ATP13A1: variants seen among roughly 807,000 people sequenced by gnomAD.
The protein encoded by ATP13A1 is endoplasmic reticulum transmembrane helix translocase.
ATP13A1 carries 55 observed loss-of-function variants against 134.8 expected under a neutral mutation model. The ratio of observed to expected loss-of-function variants is 0.41; its 90% confidence interval spans 0.33 to 0.51. ATP13A1 has a LOEUF of 0.51. Among genes scored for constraint, ATP13A1 ranks in the 20% least tolerant of loss-of-function variants. The probability of loss-of-function intolerance (pLI) is 0.29; values close to 1 mark genes in which losing one functional copy is unlikely to be tolerated. For missense variants in ATP13A1, 1,389 were observed against 1,652.8 expected, an observed-to-expected ratio of 0.84 and a Z score of 2.77; for synonymous variants, 775 against 725.1, an observed-to-expected ratio of 1.07 and a Z score of -1.10.
At chr19:19,662,181 C>A in intron 1 of ATP13A1, 18 of 1,549,290 alleles carry the variant, frequency 1.2e-5, no homozygotes, top group Non-Finnish European at 1.6e-5. Flanking sequence ...GAAGTTTGAG[C>A]GGTGCCACAG....
At chr19:19,658,730 G>C (rs1261345661) in intron 3 of ATP13A1, among the ~76,000 whole-genome samples, 1 of 152,188 alleles carries the variant, frequency 6.6e-6, no homozygotes, top group Non-Finnish European at 1.5e-5. Context: ...ATTGTACTCA[G>C]TACAAAAGGG....
At position 19,653,796 on chromosome 19, in the gene ATP13A1, G is replaced by A; in HGVS notation, c.2088C>T (p.Leu696=). The change falls in exon 15 of 26, where the codon CTC becomes CTT. Residue 696 remains leucine, a synonymous_variant. Coordinates refer to ENST00000357324, the MANE Select transcript of ATP13A1 (RefSeq NM_020410.3). This position sits in a 1 kb window ranked among gnomAD's most constrained non-coding sequence, Gnocchi z 4.2. ...LALGYKELGH[L]THQQAREVKR... The stretch of plus-strand genomic sequence containing the variant: ...CCTGGGCCCGTACCTGCTGGTGAGT[G>A]AGGTGTCCCAGCTCCTTGTACCCCA... 6.4e-7 allele frequency: 1 copy of A among 1,552,176 alleles called. No individual in the cohort carries two copies. Among genetic ancestry groups the A allele is most frequent in the African/African-American group, 1.4e-5 (1 of 73,258 alleles).
chr19:19,652,754 C>T, intron 15 of ATP13A1, 34 bp from the exon 16 acceptor site: 1 of 1,580,092 alleles, frequency 6.3e-7, no homozygotes, highest in Non-Finnish European at 8.6e-7. Flanking sequence ...CACCATCTGT[C>T]CCTCCCTCTG....
rs1266951286 is a variant in ATP13A1 at position 19,645,347 on chromosome 19, G to A, written c.*75C>T. On this transcript the variant is annotated 3_prime_UTR_variant, in exon 26 of 26. Coordinates refer to ENST00000357324, the MANE Select transcript of ATP13A1 (RefSeq NM_020410.3). The surrounding 1 kb of genome is among the most constrained non-coding windows in gnomAD (Gnocchi z 4.1). Reference sequence around the variant, plus strand: ...CTTGCTGTGGGGGGTTGGGGGCAGGGTTCCCTCCCGGGGCCCTGTTGGGGT... The same window carrying A: ...CTTGCTGTGGGGGGTTGGGGGCAGGATTCCCTCCCGGGGCCCTGTTGGGGT... 6.8e-7 allele frequency: 1 copy of A among 1,477,136 alleles called. No individual in the cohort carries two copies. The highest frequency in any genetic ancestry group is 9.2e-7 in the Non-Finnish European group (1 of 1,084,566). The allele number at this position is 1,477,136 out of a possible 1,614,324, so 91.5% of individuals were successfully genotyped here. A position where few individuals can be genotyped will look rare whatever the true frequency, so the allele number is the denominator to read the frequency against.
At chr19:19,648,344 A>G (rs936281611) in intron 19 of ATP13A1, among the ~76,000 whole-genome samples, 1 of 151,934 alleles carries the variant, frequency 6.6e-6, no homozygotes, top group Non-Finnish European at 1.5e-5. Context: ...AACAACCTAA[A>G]CTGATTTCAA....
chr19:19,649,984 G>C (rs761293931), intron 17 of ATP13A1, 44 bp from the exon 18 acceptor site: 2 of 1,511,494 alleles, frequency 1.3e-6, no homozygotes, highest in East Asian at 2.4e-5. Flanking sequence ...TTGGCTGACC[G>C]GGCTCAGAAG....
chr19:19,663,046 C>CAGG, intron 1 of ATP13A1: 1 of 735,200 alleles, frequency 1.4e-6, no homozygotes, highest in Non-Finnish European at 2.5e-6. Flanking sequence ...ATGACCATAA[C>CAGG]AGGGAGGACT....
Position 19,647,493 on chromosome 19 carries a change from G to A in ATP13A1, c.2829C>T (p.Asp943=), listed in dbSNP as rs765939525. 1.9e-5 allele frequency: 30 copies of A among 1,613,146 alleles called. 1 individual carries two copies. The highest frequency in any genetic ancestry group is 8.8e-5 in the South Asian group (8 of 90,952). ...CCAGTTTCACAATGGGCGTACTCTCGTCCTCGAGGTCTCGCAGCACCTGGC... is the reference window on the plus strand; with the variant it reads ...CCAGTTTCACAATGGGCGTACTCTCATCCTCGAGGTCTCGCAGCACCTGGC... ...RLSQVLRDLE[D]ESTPIVKLGD... The change falls in exon 21 of 26, where the codon GAC becomes GAT. Residue 943 remains aspartate (D), a synonymous_variant. Transcript: ENST00000357324. This position sits in a 1 kb window ranked among gnomAD's most constrained non-coding sequence, Gnocchi z 4.8.
intron 1 of ATP13A1, among the ~76,000 whole-genome samples, chr19:19,660,297 T>C (rs962931960): frequency 6.0e-5 from 9 of 149,464 alleles, no homozygotes; most frequent in Non-Finnish European, 1.2e-4. Context: ...GCCTCGCCAA[T>C]GTGGCGAAAC....
In ATP13A1 at chr19:19,656,277, A is replaced by C; in HGVS notation, c.1084-94T>G. On this transcript the variant is annotated intron_variant, in intron 7 of 25. Coordinates refer to ENST00000357324, the MANE Select transcript of ATP13A1 (RefSeq NM_020410.3). This position sits in a 1 kb window ranked among gnomAD's most constrained non-coding sequence, Gnocchi z 4.6. ...ACAGCTGGACCTTGAGGCTGGAATGAGCCAGGGGGATCCCCACCCGACCAA... is the reference window on the plus strand; with the variant it reads ...ACAGCTGGACCTTGAGGCTGGAATGCGCCAGGGGGATCCCCACCCGACCAA... 6.7e-7 allele frequency: 1 copy of C among 1,500,466 alleles called. No individual in the cohort carries two copies. The highest frequency in any genetic ancestry group is 8.9e-7 in the Non-Finnish European group (1 of 1,121,662). 92.9% of individuals were successfully genotyped at this position (1,500,466 alleles called of 1,614,324 possible). A position where few individuals can be genotyped will look rare whatever the true frequency, so the allele number is the denominator to read the frequency against.
Position 19,653,583 on chromosome 19 carries a change from C to G in ATP13A1, c.2100+201G>C. ...GCAGGTAAGCCCTGCGTGTGCTCTG[C>G]GTGAGCCAGGACTGGGTGGGTCCCC... On this transcript the variant is annotated intron_variant, in intron 15 of 25. Coordinates refer to ENST00000357324, the MANE Select transcript of ATP13A1 (RefSeq NM_020410.3). The surrounding 1 kb of genome is among the most constrained non-coding windows in gnomAD (Gnocchi z 4.2). 1.7e-6 allele frequency: 1 copy of G among 603,940 alleles called. No individual in the cohort carries two copies. Among genetic ancestry groups the G allele is most frequent in the African/African-American group, 1.9e-5 (1 of 53,968 alleles). 37.4% of individuals were successfully genotyped at this position (603,940 alleles called of 1,614,324 possible). A position where few individuals can be genotyped will look rare whatever the true frequency, so the allele number is the denominator to read the frequency against.
chr19:19,660,995 C>A (rs1463984733), intron 1 of ATP13A1, among the ~76,000 whole-genome samples: 2 of 151,946 alleles, frequency 1.3e-5, no homozygotes, highest in African/African-American at 2.4e-5. Context: ...AGAACAATCA[C>A]TTGAACCTGG....
intron 1 of ATP13A1, 101 bp downstream of exon 1, chr19:19,663,170 G>T: frequency 6.7e-7 from 1 of 1,500,532 alleles, no homozygotes; most frequent in Non-Finnish European, 9.1e-7. Flanking sequence ...CCAGGCAGAT[G>T]AGTGGCCCAG....
rs144612212 is a variant in ATP13A1 at position 19,645,978 on chromosome 19, G to C, written c.3256C>G (p.Gln1086Glu). 7,343 of 1,611,606 alleles carry C rather than the reference G, an allele frequency of 4.6e-3. 30 individuals carry two copies. The highest frequency in any genetic ancestry group is 0.024 in the Middle Eastern group (147 of 6,062). The change falls in exon 24 of 26, where the codon CAG (glutamine) becomes GAG (glutamate). Residue 1086 changes from glutamine to glutamate, a missense_variant. Gln to Glu is a conservative substitution (Grantham distance 29). This residue lies in a region of ATP13A1 where 228 missense variants were observed against 321.0 expected (regional missense o/e 0.71). Coordinates refer to ENST00000357324, the MANE Select transcript of ATP13A1 (RefSeq NM_020410.3). This position sits in a 1 kb window ranked among gnomAD's most constrained non-coding sequence, Gnocchi z 4.1. ...AACTCCTTGTACAAGTCCACGAACTGCTCCTGCCTGCAAGGACACATGGGA... is the reference window on the plus strand; with the variant it reads ...AACTCCTTGTACAAGTCCACGAACTCCTCCTGCCTGCAAGGACACATGGGA... ...AQARSPEKQEQFVDLYKEFEP... is the reference protein window; with the variant it reads ...AQARSPEKQEEFVDLYKEFEP...
At chr19:19,662,043 C>G (rs142077949) in intron 1 of ATP13A1, 34,717 of 1,564,298 alleles carry the variant, frequency 0.022, 522 homozygotes, top group Non-Finnish European at 0.027. Context: ...AGAAGCGGCC[C>G]TTTCTGAGAT....
At chr19:19,657,173 C>A (rs1265748582) in intron 4 of ATP13A1, 24 bp from the exon 5 acceptor site, 1 of 1,498,366 alleles carries the variant, frequency 6.7e-7, no homozygotes, top group East Asian at 2.4e-5. Context: ...GCCTGTCTGT[C>A]CTTGCCCTAC....
At chr19:19,662,454 T>G in intron 1 of ATP13A1, 1 of 804,652 alleles carries the variant, frequency 1.2e-6, no homozygotes, top group Non-Finnish European at 1.5e-6. Context: ...AGGGGAAGCT[T>G]CCTGATATAC....
chr19:19,662,017 CTG>C (rs945645576), intron 1 of ATP13A1: 1 of 1,551,118 alleles, frequency 6.4e-7, no homozygotes, highest in Admixed American at 2.0e-5. Flanking sequence ...AAGGGGGAAA[CTG>C]AAACTCAGAG....
At chr19:19,652,921 G>A (rs2062034040) in intron 15 of ATP13A1, 1 of 687,744 alleles carries the variant, frequency 1.5e-6, no homozygotes, top group Non-Finnish European at 2.3e-6. Context: ...GCAGTGACTG[G>A]GGGGTCTGGG....
Sources: allele counts gnomAD v4.1 joint callset (sites outside exome capture counted in the v4.1 genomes callset), GRCh38; gene constraint gnomAD v4.1.1; regional missense constraint gnomAD v4.1.1; non-coding constraint Gnocchi (gnomAD v3.1); transcripts MANE v1.5; gene names NCBI Gene and HGNC (gene_info 2026-07-23, HGNC 2026-07-21).